The following FBXL2 variants were observed in gnomAD, a reference collection of about 807,000 sequenced individuals.
FBXL2 encodes F-box/LRR-repeat protein 2.
In FBXL2, 38 loss-of-function variants were observed where a neutral mutation model predicts 69.2. That is an observed-to-expected ratio of 0.55 (90% CI 0.42 to 0.72). The LOEUF is 0.72. Among genes scored for constraint, FBXL2 ranks in the 30% least tolerant of loss-of-function variants. The pLI, the probability that FBXL2 is intolerant of heterozygous loss-of-function variation, is 0.00. For missense variants in FBXL2, 354 were observed against 520.3 expected (o/e 0.68, Z 3.11); for synonymous variants, 192 against 201.3 (o/e 0.95, Z 0.39).
chr3:33,318,143 C>G (rs1033161675), intron 2 of FBXL2, among the ~76,000 whole-genome samples: 2 of 151,570 alleles, frequency 1.3e-5, no homozygotes, highest in Non-Finnish European at 2.9e-5. Context: ...TTCCTGTTCC[C>G]CATGGCTGTT....
chr3:33,416,906 G>C, the FBXL2 span: 76 of 1,296,526 alleles, frequency 5.9e-5, no homozygotes, highest in Middle Eastern at 1.8e-4. Context: ...AATTCAAAAT[G>C]CATGTTTCTC....
At chr3:33,327,075 A>G (rs1325082761) in intron 2 of FBXL2, among the ~76,000 whole-genome samples, 1 of 152,194 alleles carries the variant, frequency 6.6e-6, no homozygotes, top group Non-Finnish European at 1.5e-5. Context: ...CTGTTAATTC[A>G]TGATGTGTAC....
chr3:33,375,233 C>CG, intron 9 of FBXL2, 55 bp from the exon 10 acceptor site: 1 of 1,586,524 alleles, frequency 6.3e-7, no homozygotes, highest in Middle Eastern at 1.7e-4. Flanking sequence ...CTGCTGCTCC[C>CG]GTTTTGGTAT....
At chr3:33,341,667 T>C (rs1354478059) in intron 2 of FBXL2, among the ~76,000 whole-genome samples, 2 of 151,520 alleles carry the variant, frequency 1.3e-5, no homozygotes, top group Admixed American at 1.3e-4. Context: ...CCATCTCTAC[T>C]AAAAATACAA....
At chr3:33,326,876 A>G (rs146223597) in intron 2 of FBXL2, among the ~76,000 whole-genome samples, 2 of 152,346 alleles carry the variant, frequency 1.3e-5, no homozygotes, top group East Asian at 1.9e-4. Context: ...ATCTAAAGAC[A>G]TAGAGAATGT....
At chr3:33,337,353 C>CA (rs1420842591) in intron 2 of FBXL2, among the ~76,000 whole-genome samples, 6 of 152,216 alleles carry the variant, frequency 3.9e-5, no homozygotes, top group Admixed American at 2.6e-4. Context: ...GAGTGCTTCA[C>CA]AAAAACCCCC....
the FBXL2 span, among the ~76,000 whole-genome samples, chr3:33,411,317 G>GA: frequency 6.6e-6 from 1 of 152,124 alleles, no homozygotes; most frequent in Non-Finnish European, 1.5e-5. Context: ...TACATCTCAT[G>GA]AAAAATAGAC....
chr3:33,376,505 CA>C (rs781747828), intron 10 of FBXL2, among the ~76,000 whole-genome samples: 7 of 152,128 alleles, frequency 4.6e-5, no homozygotes, highest in Non-Finnish European at 1.0e-4. Flanking sequence ...GAAAGGAGGT[CA>C]AAATTATTGC....
chr3:33,281,674 G>A (rs1446768377), intron 1 of FBXL2, among the ~76,000 whole-genome samples: 1 of 152,130 alleles, frequency 6.6e-6, no homozygotes, highest in Non-Finnish European at 1.5e-5. Flanking sequence ...GTGTAAAAGT[G>A]TTCCTATTTC....
chr3:33,340,812 A>C (rs1214254425), intron 2 of FBXL2, among the ~76,000 whole-genome samples: 1 of 149,438 alleles, frequency 6.7e-6, no homozygotes, highest in Non-Finnish European at 1.5e-5. Flanking sequence ...GATTTGCTTG[A>C]ACCTGGGAGA....
the FBXL2 span, among the ~76,000 whole-genome samples, chr3:33,421,227 GTCAGGGACTTAACTCC>G: frequency 6.6e-6 from 1 of 151,070 alleles, no homozygotes; most frequent in African/African-American, 2.4e-5. Context: ...CAGAGTTAAA[GTCAGGGACTTAACTCC>G]TCTTCTTATT....
chr3:33,341,754 C>A (rs144409919), intron 2 of FBXL2, among the ~76,000 whole-genome samples: 2 of 148,030 alleles, frequency 1.4e-5, no homozygotes, highest in African/African-American at 5.0e-5. Flanking sequence ...TGCTTGAACC[C>A]GGGAGGTGGA....
chr3:33,307,343 T>C (rs1244226667), intron 2 of FBXL2, among the ~76,000 whole-genome samples: 1 of 152,184 alleles, frequency 6.6e-6, no homozygotes, highest in East Asian at 1.9e-4. Context: ...TTGGCCTATT[T>C]GCTTTTAAAA....
chr3:33,312,250 G>A (rs1288573551), intron 2 of FBXL2, among the ~76,000 whole-genome samples: 3 of 151,844 alleles, frequency 2.0e-5, no homozygotes, highest in African/African-American at 7.3e-5. Flanking sequence ...TAGAGACAGG[G>A]TCTCATCATA....
chr3:33,297,849 T>C, intron 2 of FBXL2, 124 bp downstream of exon 2: 1 of 694,906 alleles, frequency 1.4e-6, no homozygotes, highest in Non-Finnish European at 2.6e-6. Flanking sequence ...CCTAACTGAC[T>C]TTTTGTTTTT....
chr3:33,390,312 G>T (rs1304456786), downstream of FBXL2: 1 of 1,609,414 alleles, frequency 6.2e-7, no homozygotes, highest in Non-Finnish European at 8.5e-7. Context: ...ACTGAATACA[G>T]TTCAGTCTAT....
At chr3:33,364,218 C>T (rs997394138) in intron 4 of FBXL2, 1 of 177,978 alleles carries the variant, frequency 5.6e-6, no homozygotes. Context: ...GTAGGATTTT[C>T]TTTTTAAAGC....
intron 2 of FBXL2, among the ~76,000 whole-genome samples, chr3:33,339,879 A>T (rs1215829828): frequency 2.6e-5 from 4 of 152,236 alleles, no homozygotes; most frequent in African/African-American, 9.6e-5. Context: ...GAAACAACCT[A>T]AATGTCACTT....
At chr3:33,395,867 A>G (rs186061314) in intron 12 of FBXL2, among the ~76,000 whole-genome samples, 4 of 149,296 alleles carry the variant, frequency 2.7e-5, no homozygotes, top group Non-Finnish European at 5.9e-5. Flanking sequence ...AAAAAAAGCC[A>G]GAACTCAATG....
Sources: allele counts gnomAD v4.1 joint callset (sites outside exome capture counted in the v4.1 genomes callset), GRCh38; gene constraint gnomAD v4.1.1; transcripts MANE v1.5; gene names NCBI Gene and HGNC (gene_info 2026-07-23, HGNC 2026-07-21).